RNGTT: variants seen among roughly 807,000 people sequenced by gnomAD.
RNGTT encodes mRNA-capping enzyme.
In RNGTT, 33 loss-of-function variants were observed where a neutral mutation model predicts 79.3. The ratio of observed to expected loss-of-function variants is 0.42; its 90% confidence interval spans 0.32 to 0.56. The LOEUF (loss-of-function observed/expected upper bound fraction) is 0.56, where lower values mean the gene tolerates loss of function less well. RNGTT is among the 20% of genes least tolerant of loss of function. The probability of loss-of-function intolerance (pLI) is 0.17; values close to 1 mark genes in which losing one functional copy is unlikely to be tolerated. For synonymous variants in RNGTT, 222 were observed against 235.9 expected (o/e 0.94, Z 0.54); for missense variants, 497 against 739.1 (o/e 0.67, Z 3.80).
chr6:88,832,814 A>G (rs1780920734), intron 11 of RNGTT, among the ~76,000 whole-genome samples: 2 of 152,248 alleles, frequency 1.3e-5, no homozygotes, highest in African/African-American at 4.8e-5. Flanking sequence ...GCCAAGAAAC[A>G]TATGAAAAAA....
intron 15 of RNGTT, among the ~76,000 whole-genome samples, chr6:88,613,506 T>C (rs1772109392): frequency 6.6e-6 from 1 of 152,244 alleles, no homozygotes; most frequent in East Asian, 1.9e-4. Context: ...AACTCCTAAA[T>C]GTACAACAGT....
intron 13 of RNGTT, among the ~76,000 whole-genome samples, chr6:88,740,548 G>A (rs938472398): frequency 4.0e-5 from 6 of 151,448 alleles, no homozygotes; most frequent in South Asian, 2.1e-4. Flanking sequence ...GAAAGAAAGA[G>A]AAAAAAGAAA....
chr6:88,663,146 C>T (rs1395519190), intron 14 of RNGTT, among the ~76,000 whole-genome samples: 1 of 152,104 alleles, frequency 6.6e-6, no homozygotes, highest in East Asian at 1.9e-4. Flanking sequence ...TCCCTTCCCC[C>T]TTTGTGGTAA....
intron 13 of RNGTT, among the ~76,000 whole-genome samples, chr6:88,689,776 AAAC>A (rs1427918507): frequency 6.6e-6 from 1 of 152,032 alleles, no homozygotes; most frequent in Non-Finnish European, 1.5e-5. Context: ...TGCAAGCAAA[AAAC>A]ATCAAAAGGT....
chr6:88,841,443 T>C (rs908477609), intron 11 of RNGTT, among the ~76,000 whole-genome samples: 8 of 152,152 alleles, frequency 5.3e-5, no homozygotes, highest in Non-Finnish European at 7.4e-5. Flanking sequence ...GTTTAAAACA[T>C]GATTGCATAT....
chr6:88,763,353 A>G lies in RNGTT; in HGVS notation c.1439+6421T>C, dbSNP rs1475137854. Among the ~76,000 whole-genome samples the G allele has an allele frequency of 2.6e-5, 4 of 151,578 alleles. No individual in the cohort carries two copies. In the South Asian group the frequency reaches 6.2e-4, roughly 24 times the overall value. On this transcript the variant is annotated intron_variant, in intron 13 of 15. Transcript: ENST00000369485. Reference sequence around the variant, plus strand: ...ATGCTGATAAGAAGATTTACGTACAAGTTTTGTGTGGGCATATGTTTTCAT... The same window carrying G: ...ATGCTGATAAGAAGATTTACGTACAGGTTTTGTGTGGGCATATGTTTTCAT...
chr6:88,814,626 A>C (rs1479543507), intron 11 of RNGTT, among the ~76,000 whole-genome samples: 1 of 152,200 alleles, frequency 6.6e-6, no homozygotes, highest in African/African-American at 2.4e-5. Flanking sequence ...TGTTTTGTGG[A>C]TAGAAAAGCA....
intron 13 of RNGTT, among the ~76,000 whole-genome samples, chr6:88,764,324 C>T (rs191495078): frequency 1.3e-5 from 2 of 152,282 alleles, no homozygotes; most frequent in Non-Finnish European, 2.9e-5. Context: ...ATTAACATCA[C>T]ACAACTATGT....
At chr6:88,928,902 T>C in intron 4 of RNGTT, 83 bp downstream of exon 4, 1 of 1,000,178 alleles carries the variant, frequency 1.0e-6, no homozygotes, top group Non-Finnish European at 1.5e-6. Context: ...AAAACTTTCA[T>C]ATCAACTTAT....
rs1775404176 is a variant in RNGTT at position 88,689,587 on chromosome 6, T to A, written c.1440-11168A>T. Among the ~76,000 whole-genome samples, 5 of 136,986 alleles carry A rather than the reference T, an allele frequency of 3.7e-5. No homozygotes were observed. The South Asian group carries it at 1.1e-3, about 31-fold the overall frequency. The allele number at this position is 136,986 out of a possible 152,430, so 89.9% of individuals were successfully genotyped here. On this transcript the variant is annotated intron_variant, in intron 13 of 15. Transcript: ENST00000369485. ...CCAGCCTGGGGCAACAGAGTGAGACTCTGTCTCAAAAAAAAAAAAAAAGTC... is the reference window on the plus strand; with the variant it reads ...CCAGCCTGGGGCAACAGAGTGAGACACTGTCTCAAAAAAAAAAAAAAAGTC...
intron 11 of RNGTT, among the ~76,000 whole-genome samples, chr6:88,827,664 C>T (rs1485870573): frequency 6.6e-6 from 1 of 152,174 alleles, no homozygotes; most frequent in African/African-American, 2.4e-5. Flanking sequence ...ACTGGCAGTA[C>T]AGCAGTCTGA....
At chr6:88,843,640 C>G (rs1339799340) in intron 11 of RNGTT, among the ~76,000 whole-genome samples, 4 of 144,194 alleles carry the variant, frequency 2.8e-5, no homozygotes, top group Non-Finnish European at 6.0e-5. Context: ...CTCACTGCAA[C>G]CTCCACCTTC....
At chr6:88,801,894 C>A (rs1405516656) in intron 11 of RNGTT, among the ~76,000 whole-genome samples, 1 of 150,504 alleles carries the variant, frequency 6.6e-6, no homozygotes, top group African/African-American at 2.4e-5. Flanking sequence ...ATATTCTAAA[C>A]AATAGTCCTA....
At chr6:88,641,068 C>T (rs375017418) in intron 14 of RNGTT, among the ~76,000 whole-genome samples, 25 of 152,100 alleles carry the variant, frequency 1.6e-4, no homozygotes, top group African/African-American at 5.1e-4. Flanking sequence ...CGGCCGGGTG[C>T]GGTGGCTCAT....
chr6:88,950,746 C>T (rs1441245286), intron 1 of RNGTT, among the ~76,000 whole-genome samples: 2 of 152,104 alleles, frequency 1.3e-5, no homozygotes, highest in African/African-American at 2.4e-5. Flanking sequence ...ATGGGAGAAT[C>T]GCTTGAACCC....
intron 14 of RNGTT, among the ~76,000 whole-genome samples, chr6:88,660,860 T>A (rs1013991864): frequency 1.6e-4 from 24 of 152,334 alleles, no homozygotes; most frequent in Admixed American, 2.6e-4. Flanking sequence ...AACTGCAGAA[T>A]ATACATTCTT....
At chr6:88,953,072 C>A (rs918204909) in intron 1 of RNGTT, among the ~76,000 whole-genome samples, 16 of 152,006 alleles carry the variant, frequency 1.1e-4, no homozygotes, top group African/African-American at 3.9e-4. Context: ...TTCTATAAAA[C>A]GCCCCAAAAA....
At chr6:88,657,208 A>G (rs1014811366) in intron 14 of RNGTT, among the ~76,000 whole-genome samples, 8 of 151,666 alleles carry the variant, frequency 5.3e-5, no homozygotes, top group Admixed American at 3.9e-4. Context: ...TTCCCAAAGT[A>G]TGACAGGGGA....
At chr6:88,691,052 G>C (rs1775459601) in intron 13 of RNGTT, among the ~76,000 whole-genome samples, 1 of 152,166 alleles carries the variant, frequency 6.6e-6, no homozygotes, top group South Asian at 2.1e-4. Context: ...AGCAAAGTGT[G>C]GTTTGGATTT....
Sources: gnomAD v4.1 joint callset for allele counts (sites outside exome capture counted in the v4.1 genomes callset) on GRCh38, gnomAD v4.1.1 for gene constraint, MANE v1.5 for transcripts, NCBI Gene and HGNC (gene_info 2026-07-23, HGNC 2026-07-21) for gene names.